The following SGCD variants were observed in gnomAD, a reference collection of about 807,000 sequenced individuals.
The protein encoded by SGCD is delta-sarcoglycan.
Under a neutral mutation model 36.6 loss-of-function variants are expected in SGCD, and 18 were observed. The ratio of observed to expected loss-of-function variants is 0.49; its 90% CI spans 0.34 to 0.73. The LOEUF is 0.73. Among genes scored for constraint, SGCD ranks in the 30% least tolerant of loss-of-function variants. The pLI, the probability that SGCD is intolerant of heterozygous loss-of-function variation, is 0.01. For missense variants in SGCD, 387 were observed against 346.7 expected, an observed-to-expected ratio of 1.12 and a Z score of -0.92; for synonymous variants, 133 against 130.6, an observed-to-expected ratio of 1.02 and a Z score of -0.12.
intron 7 of SGCD, among the ~76,000 whole-genome samples, chr5:156,650,746 A>G (rs1195738330): frequency 1.3e-5 from 2 of 152,126 alleles, no homozygotes; most frequent in Admixed American, 1.3e-4. Context: ...ATTGACAGAT[A>G]CCTAGGTTGA....
chr5:155,746,731 A>G, the SGCD span, among the ~76,000 whole-genome samples: 1 of 152,136 alleles, frequency 6.6e-6, no homozygotes, highest in Admixed American at 6.5e-5. Flanking sequence ...CCCAGTGATC[A>G]ATAGGAATCC....
At chr5:155,972,549 G>C (rs1158174834) in intron 1 of SGCD, among the ~76,000 whole-genome samples, 1 of 152,052 alleles carries the variant, frequency 6.6e-6, no homozygotes, top group Non-Finnish European at 1.5e-5. Flanking sequence ...TGTTTAATGT[G>C]TTAGTAAATG....
chr5:156,472,170 C>A (rs1452622150), intron 3 of SGCD, among the ~76,000 whole-genome samples: 1 of 152,086 alleles, frequency 6.6e-6, no homozygotes, highest in African/African-American at 2.4e-5. Flanking sequence ...TGTAAAAAAG[C>A]GTAACTACGT....
At chr5:155,866,035 A>G (rs1435659449), upstream of SGCD, among the ~76,000 whole-genome samples, 3 of 152,156 alleles carry the variant, frequency 2.0e-5, no homozygotes, top group Non-Finnish European at 4.4e-5. Flanking sequence ...TCACAACTCA[A>G]ACAGTTGCAC....
At chr5:156,450,284 A>G (rs1016685288) in intron 3 of SGCD, among the ~76,000 whole-genome samples, 4 of 152,090 alleles carry the variant, frequency 2.6e-5, no homozygotes, top group Admixed American at 2.0e-4. Flanking sequence ...CACATCATCA[A>G]TGGGAACCTA....
In SGCD at chr5:156,266,302, C is replaced by T. The variant is rs994898598; in HGVS notation, c.-43-63232C>T. The stretch of plus-strand genomic sequence containing the variant: ...ATTGGAATAATGCTACAAATACAGC[C>T]TAACATGGAGTCAGAGCATCCTCTG... On this transcript the variant is annotated intron_variant, in intron 3 of 9. Transcript: ENST00000517913. Among the ~76,000 whole-genome samples, 9 of 152,042 alleles carry T rather than the reference C, an allele frequency of 5.9e-5. No individual in the cohort carries two copies. In the East Asian group the frequency reaches 1.7e-3, roughly 29 times the overall value.
chr5:156,233,516 G>T (rs1765075234), intron 3 of SGCD, among the ~76,000 whole-genome samples: 1 of 152,106 alleles, frequency 6.6e-6, no homozygotes, highest in African/African-American at 2.4e-5. Flanking sequence ...GGTGTTTAAA[G>T]GTACCTTTGA....
chr5:156,718,627 A>T (rs1755334012), intron 7 of SGCD, among the ~76,000 whole-genome samples: 1 of 151,956 alleles, frequency 6.6e-6, no homozygotes, highest in African/African-American at 2.4e-5. Context: ...AAAAGAAAAA[A>T]ATATAAATTA....
chr5:156,646,314 G>A (rs1373461555), intron 6 of SGCD, among the ~76,000 whole-genome samples: 2 of 152,172 alleles, frequency 1.3e-5, no homozygotes, highest in African/African-American at 4.8e-5. Context: ...TTGCTGGCTT[G>A]CCATTCAGTG....
chr5:156,068,178 T>C (rs1197752474), intron 1 of SGCD, among the ~76,000 whole-genome samples: 2 of 151,884 alleles, frequency 1.3e-5, no homozygotes, highest in East Asian at 3.9e-4. Context: ...ATGTGCAGGT[T>C]AGTTACATAT....
At chr5:156,546,404 A>C (rs183633526) in intron 4 of SGCD, among the ~76,000 whole-genome samples, 30 of 152,322 alleles carry the variant, frequency 2.0e-4, no homozygotes, top group African/African-American at 5.3e-4. Flanking sequence ...AGGTATGTAG[A>C]TGTGTGCACA....
chr5:156,174,119 C>T lies in SGCD; in HGVS notation c.-44+50100C>T, dbSNP rs762794128. ...TTTACTATGTGCTGGCTGCCGCATT[C>T]ATGGTATAGCAGTGAACAGGCAGAA... On this transcript the variant is annotated intron_variant, in intron 3 of 9. Coordinates refer to the SGCD transcript ENST00000517913. 2.6e-5 allele frequency among the ~76,000 whole-genome samples: 4 copies of T among 152,170 alleles called. No individual in the cohort carries two copies. In the South Asian group the frequency reaches 8.3e-4, roughly 31 times the overall value.
At chr5:156,434,801 G>C (rs1561693275) in intron 3 of SGCD, among the ~76,000 whole-genome samples, 1 of 152,152 alleles carries the variant, frequency 6.6e-6, no homozygotes, top group Non-Finnish European at 1.5e-5. Context: ...GGTTTTTCAG[G>C]CTAATTAGCT....
chr5:155,753,691 T>C, the SGCD span, among the ~76,000 whole-genome samples: 1 of 152,184 alleles, frequency 6.6e-6, no homozygotes, highest in African/African-American at 2.4e-5. Context: ...CATTTCCTAG[T>C]AGCCTGTGAG....
intron 1 of SGCD, among the ~76,000 whole-genome samples, chr5:156,077,687 T>G (rs1490818907): frequency 3.3e-5 from 5 of 152,106 alleles, no homozygotes; most frequent in African/African-American, 1.2e-4. Context: ...AAATCTTCAT[T>G]TACTCTCATG....
chr5:156,389,852 C>T (rs1468118955), intron 3 of SGCD, among the ~76,000 whole-genome samples: 2 of 152,104 alleles, frequency 1.3e-5, no homozygotes, highest in Non-Finnish European at 2.9e-5. Context: ...ACAGTTCATA[C>T]ATTAGAAGCT....
Position 156,760,794 on chromosome 5 carries a change from T to C in SGCD, c.*1404T>C, listed in dbSNP as rs1757486561. 6.5e-6 allele frequency: 1 copy of C among 152,696 alleles called. No individual in the cohort carries two copies. Among genetic ancestry groups the C allele is most frequent in the Non-Finnish European group, 1.5e-5 (1 of 68,066 alleles). 9.5% of individuals were successfully genotyped at this position (152,696 alleles called of 1,614,324 possible). A position where few individuals can be genotyped will look rare whatever the true frequency, so the allele number is the denominator to read the frequency against. On this transcript the variant is annotated 3_prime_UTR_variant, in exon 9 of 9. Coordinates refer to ENST00000337851, the MANE Select transcript of SGCD (RefSeq NM_000337.6). ...GTTCAAAGAGGGGGAAATGTGCCTA[T>C]GCCTTAAGTCAATGCACTCAGCAAG...
At chr5:155,764,952 A>G in the SGCD span, among the ~76,000 whole-genome samples, 2 of 152,274 alleles carry the variant, frequency 1.3e-5, no homozygotes, top group East Asian at 3.9e-4. Flanking sequence ...AAAGTTTTCT[A>G]TAAAAATAAA....
chr5:156,184,653 T>A (rs568135783), intron 3 of SGCD, among the ~76,000 whole-genome samples: 2,181 of 152,230 alleles, frequency 0.014, 23 homozygotes, highest in Non-Finnish European at 0.024. Flanking sequence ...AATACAAACA[T>A]AAAGAATATC....
Sources: allele counts gnomAD v4.1 joint callset (sites outside exome capture counted in the v4.1 genomes callset), GRCh38; gene constraint gnomAD v4.1.1; transcripts MANE v1.5; gene names NCBI Gene and HGNC (gene_info 2026-07-23, HGNC 2026-07-21).